Variants in FER observed in about 807,000 individuals in gnomAD.
FER encodes the protein tyrosine-protein kinase Fer.
A neutral mutation model predicts 111.0 loss-of-function variants in FER; 63 were observed. The observed-to-expected ratio is 0.57, with a 90% CI of 0.46 to 0.70. The LOEUF (loss-of-function observed/expected upper bound fraction) is 0.70. FER is among the 30% of genes least tolerant of loss of function. The pLI is 0.00. For missense variants in FER, 914 were observed against 954.0 expected (o/e 0.96, Z 0.55); for synonymous variants, 327 against 313.9 (o/e 1.04, Z -0.44).
chr5:108,954,758 G>A lies in FER; in HGVS notation c.1359G>A (p.Lys453=), dbSNP rs34940896. The part of the protein sequence containing the change: ...ALSDMISISE[K]PLAEQDWYHG... ...CTGATATGATCTCCATCAGTGAGAA[G>A]CCTTTGGCAGAACAGGACTGGTACC... The change falls in exon 12 of 20, where the codon AAG becomes AAA. Residue 453 remains lysine (K), a synonymous_variant. Coordinates refer to ENST00000281092, the MANE Select transcript of FER (RefSeq NM_005246.4). The A allele has an allele frequency of 1.9e-6, 3 of 1,606,724 alleles. No homozygotes were observed. In the East Asian group the frequency reaches 6.7e-5, roughly 36 times the overall value.
intron 10 of FER, among the ~76,000 whole-genome samples, chr5:108,925,349 G>A (rs2149563962): frequency 6.6e-6 from 1 of 152,024 alleles, no homozygotes; most frequent in South Asian, 2.1e-4. Flanking sequence ...TTTTCATTAT[G>A]ATATGTAGCT....
At chr5:109,096,573 T>C (rs1747549054) in intron 16 of FER, among the ~76,000 whole-genome samples, 1 of 152,002 alleles carries the variant, frequency 6.6e-6, no homozygotes. Flanking sequence ...GTCATGTTTA[T>C]GTCTGGTTGT....
At chr5:108,959,543 C>G (rs551715154) in intron 13 of FER, among the ~76,000 whole-genome samples, 196 bp downstream of exon 13, 9 of 152,022 alleles carry the variant, frequency 5.9e-5, no homozygotes, top group Admixed American at 2.0e-4. Context: ...GAGCTGCTTT[C>G]TTATTCAGTA....
intron 10 of FER, among the ~76,000 whole-genome samples, chr5:108,908,997 C>T (rs1407840126): frequency 2.0e-5 from 3 of 152,192 alleles, no homozygotes; most frequent in Non-Finnish European, 4.4e-5. Flanking sequence ...CATCACTGTT[C>T]TCCAGCCTGG....
Position 108,990,718 on chromosome 5 carries a change from A to C in FER, c.1656+31371A>C, listed in dbSNP as rs566034108. Among the ~76,000 whole-genome samples, 105 of 151,876 alleles carry C rather than the reference A, an allele frequency of 6.9e-4. 1 individual carries two copies. The South Asian group carries it at 0.016, about 23-fold the overall frequency. ...ATACATCTTTATAAAGCCAGAAATG[A>C]GTGAGAAAATGAAGAGTAATTATTC... On this transcript the variant is annotated intron_variant, in intron 13 of 19. Coordinates refer to ENST00000281092, the MANE Select transcript of FER (RefSeq NM_005246.4).
intron 13 of FER, among the ~76,000 whole-genome samples, chr5:108,971,592 CA>C (rs1453140615): frequency 9.2e-5 from 14 of 152,188 alleles, no homozygotes; most frequent in African/African-American, 3.1e-4. Flanking sequence ...TATTTTTGTA[CA>C]AGTTTAGAAA....
At chr5:108,832,177 A>C (rs1760113894) in intron 3 of FER, among the ~76,000 whole-genome samples, 1 of 147,612 alleles carries the variant, frequency 6.8e-6, no homozygotes, top group African/African-American at 2.5e-5. Flanking sequence ...AGCTATAGAT[A>C]GAAATCCATA....
chr5:108,987,288 A>C (rs570418522), intron 13 of FER, among the ~76,000 whole-genome samples: 198 of 152,216 alleles, frequency 1.3e-3, no homozygotes, highest in Middle Eastern at 3.4e-3. Flanking sequence ...TCTACTAAAA[A>C]TACAAAAATT....
At chr5:108,818,653 C>G (rs915493226) in intron 3 of FER, among the ~76,000 whole-genome samples, 5 of 151,986 alleles carry the variant, frequency 3.3e-5, no homozygotes, top group African/African-American at 1.2e-4. Flanking sequence ...TTCTAATTAT[C>G]CAGTGAGATA....
chr5:109,146,235 TATATATATAATCTATCTA>T (rs1754118795), intron 17 of FER, among the ~76,000 whole-genome samples: 1 of 92,106 alleles, frequency 1.1e-5, no homozygotes, highest in African/African-American at 4.3e-5. Context: ...ATCTATCTAA[TATATATATAATCTATCTA>T]ATATATATAT....
chr5:108,779,566 GT>G, intron 2 of FER, among the ~76,000 whole-genome samples: 1 of 152,196 alleles, frequency 6.6e-6, no homozygotes, highest in Admixed American at 6.5e-5. Context: ...AAATGTTGTT[GT>G]GTTTTTACTT....
chr5:108,969,604 T>C (rs892886852), intron 13 of FER, among the ~76,000 whole-genome samples: 2 of 149,070 alleles, frequency 1.3e-5, no homozygotes, highest in Non-Finnish European at 2.9e-5. Context: ...ATATTTTACA[T>C]TTTAATTTTT....
intron 17 of FER, among the ~76,000 whole-genome samples, chr5:109,151,391 G>A (rs1374392672): frequency 1.3e-5 from 2 of 152,048 alleles, no homozygotes; most frequent in Non-Finnish European, 2.9e-5. Flanking sequence ...AAAATGCAGA[G>A]ATTACTAAAT....
At chr5:109,132,710 G>C (rs1448845620) in intron 17 of FER, among the ~76,000 whole-genome samples, 1 of 152,164 alleles carries the variant, frequency 6.6e-6, no homozygotes, top group Non-Finnish European at 1.5e-5. Flanking sequence ...TCTCTGGGTA[G>C]AGGTTTGGAG....
intron 13 of FER, among the ~76,000 whole-genome samples, chr5:108,963,105 A>C (rs1159977796): frequency 6.6e-6 from 1 of 152,180 alleles, no homozygotes; most frequent in Non-Finnish European, 1.5e-5. Flanking sequence ...GAGCTAAAAT[A>C]TAGGGATTGG....
chr5:108,902,177 A>C (rs749668562), intron 10 of FER, among the ~76,000 whole-genome samples: 6 of 152,196 alleles, frequency 3.9e-5, no homozygotes, highest in Non-Finnish European at 8.8e-5. Flanking sequence ...TACTCTATTA[A>C]AGAGGAAAAA....
At chr5:108,749,707 C>A (rs540783374) in intron 1 of FER, among the ~76,000 whole-genome samples, 199 of 152,276 alleles carry the variant, frequency 1.3e-3, no homozygotes, top group African/African-American at 4.3e-3. Flanking sequence ...AAGTGTGAAG[C>A]TAGTGGTGTC....
intron 17 of FER, among the ~76,000 whole-genome samples, chr5:109,165,043 T>G (rs1253380092): frequency 1.3e-5 from 2 of 152,188 alleles, no homozygotes; most frequent in Non-Finnish European, 2.9e-5. Context: ...TATTTGATGA[T>G]GTATTATTTA....
At chr5:109,066,374 A>G (rs940938101) in intron 16 of FER, among the ~76,000 whole-genome samples, 4 of 152,146 alleles carry the variant, frequency 2.6e-5, no homozygotes, top group African/African-American at 9.7e-5. Context: ...ACATCTTTAT[A>G]TGTGCTTTTT....
Sources: gnomAD v4.1 joint callset for allele counts (sites outside exome capture counted in the v4.1 genomes callset) on GRCh38, gnomAD v4.1.1 for gene constraint, MANE v1.5 for transcripts, NCBI Gene and HGNC (gene_info 2026-07-23, HGNC 2026-07-21) for gene names.